PLP1: variants seen among roughly 807,000 people sequenced by gnomAD.
The protein encoded by PLP1 is myelin proteolipid protein.
PLP1 carries 2 observed loss-of-function variants against 18.5 expected under a neutral mutation model. The observed-to-expected ratio is 0.11, with a 90% CI of 0.04 to 0.34. The LOEUF (loss-of-function observed/expected upper bound fraction) is 0.34, where lower values mean the gene tolerates loss of function less well. Ranked by LOEUF, PLP1 falls within the 10% of genes least tolerant of loss-of-function variation. The probability of loss-of-function intolerance (pLI) is 1.00; values close to 1 mark genes in which losing one functional copy is unlikely to be tolerated. For synonymous variants in PLP1, 86 were observed against 83.2 expected (o/e 1.03, Z -0.19); for missense variants, 105 against 207.3 (o/e 0.51, Z 3.03).
intron 1 of PLP1, chrX:103,781,343 C>T (rs1384099991): frequency 3.1e-5 from 10 of 317,569 alleles, no homozygotes; most frequent in East Asian, 2.0e-4. Context: ...TCTGTCAGAC[C>T]GCTGTGAAGA....
At chrX:103,785,836 T>G in intron 2 of PLP1, 68 bp downstream of exon 2, 1 of 969,934 alleles carries the variant, frequency 1.0e-6, no homozygotes, top group Non-Finnish European at 1.5e-6. Flanking sequence ...GATAGAGAAC[T>G]CTTCAGTACC....
At chrX:103,787,496 C>G in intron 3 of PLP1, 1 of 381,677 alleles carries the variant, frequency 2.6e-6, no homozygotes, top group Non-Finnish European at 4.6e-6. Context: ...CTTTCAAGAT[C>G]TGTTTTGATT....
chrX:103,783,558 A>G (rs2147760500), intron 1 of PLP1, among the ~76,000 whole-genome samples: 1 of 112,337 alleles, frequency 8.9e-6, no homozygotes, highest in East Asian at 2.8e-4. Flanking sequence ...GTCTCTGAGA[A>G]CAGAGGCAAA....
At chrX:103,789,545 G>A (rs933773938) in intron 6 of PLP1, 147 bp downstream of exon 6, 29 of 528,276 alleles carry the variant, frequency 5.5e-5, no homozygotes, top group African/African-American at 2.1e-4. Context: ...TGGAGGCTCC[G>A]TACTTCTACT....
At chrX:103,788,658 C>A in intron 5 of PLP1, 148 bp downstream of exon 5, 1 of 563,296 alleles carries the variant, frequency 1.8e-6, no homozygotes, top group Non-Finnish European at 3.2e-6. Flanking sequence ...GCTAAGTGTG[C>A]CTGAGCCAAT....
At chrX:103,782,000 T>C (rs1008290162) in intron 1 of PLP1, among the ~76,000 whole-genome samples, 4 of 112,215 alleles carry the variant, frequency 3.6e-5, no homozygotes, top group African/African-American at 1.3e-4. Flanking sequence ...TCTTGGACTG[T>C]GAAAAATCAA....
intron 1 of PLP1, among the ~76,000 whole-genome samples, chrX:103,777,284 C>T (rs776101069): frequency 3.6e-5 from 4 of 111,630 alleles, no homozygotes; most frequent in Non-Finnish European, 7.5e-5. Context: ...TACCCCCTCA[C>T]TTCCCTCTAT....
chrX:103,786,910 C>G, intron 3 of PLP1, 184 bp downstream of exon 3: 2 of 482,530 alleles, frequency 4.1e-6, no homozygotes, highest in Non-Finnish European at 7.2e-6. Flanking sequence ...CTTAGCCTCA[C>G]CTTTCAAAGG....
intron 1 of PLP1, among the ~76,000 whole-genome samples, chrX:103,784,295 C>G (rs2074476749): frequency 9.0e-6 from 1 of 111,418 alleles, no homozygotes; most frequent in African/African-American, 3.3e-5. Flanking sequence ...TCCTCTAGTG[C>G]CAGAAAGATG....
At chrX:103,785,975 C>A (rs769717639) in intron 2 of PLP1, 1 of 536,022 alleles carries the variant, frequency 1.9e-6, no homozygotes, top group Non-Finnish European at 3.0e-6. Flanking sequence ...CCTGTCAGCC[C>A]CTCCCACCCC....
intron 4 of PLP1, 111 bp downstream of exon 4, chrX:103,788,077 A>T: frequency 1.6e-6 from 1 of 615,042 alleles, no homozygotes; most frequent in South Asian, 2.3e-5. Context: ...ATATAAGATG[A>T]TGAATGATTG....
intron 1 of PLP1, chrX:103,781,256 T>C (rs993249642): frequency 2.8e-5 from 9 of 317,023 alleles, no homozygotes; most frequent in African/African-American, 2.4e-4. Context: ...TGGTGCCTGC[T>C]TAAAGAGACA....
intron 1 of PLP1, among the ~76,000 whole-genome samples, chrX:103,778,125 T>C (rs2074425265): frequency 8.9e-6 from 1 of 112,103 alleles, no homozygotes; most frequent in Non-Finnish European, 1.9e-5. Flanking sequence ...CTGCTACTTA[T>C]GAACTATGTG....
At chrX:103,779,991 G>A (rs903204381) in intron 1 of PLP1, 1 of 112,897 alleles carries the variant, frequency 8.9e-6, no homozygotes, top group Admixed American at 9.3e-5. Context: ...AGCAGCCATG[G>A]TAGGTGAATG....
chrX:103,776,901 G>T lies in PLP1; in HGVS notation c.-95G>T. The T allele has an allele frequency of 1.2e-6, 1 of 825,927 alleles. No individual in the cohort carries two copies. Among genetic ancestry groups the T allele is most frequent in the Non-Finnish European group, 1.8e-6 (1 of 551,327 alleles). The allele number at this position is 825,927 out of a possible 1,213,427, so 68.1% of individuals were successfully genotyped here. Reference sequence around the variant, plus strand: ...AGAGAAAAAGTAAAAGACCGAAGAAGGAGGCTGGAGAGACCAGGATCCTTC... The same window carrying T: ...AGAGAAAAAGTAAAAGACCGAAGAATGAGGCTGGAGAGACCAGGATCCTTC... On this transcript the variant is annotated 5_prime_UTR_variant, in exon 1 of 7. It adds an upstream start codon to the 5' untranslated region. Transcript: ENST00000621218.
intron 5 of PLP1, chrX:103,788,891 G>A (rs765811495): frequency 7.6e-5 from 21 of 275,909 alleles, no homozygotes; most frequent in Non-Finnish European, 1.0e-4. Flanking sequence ...TTTTCAATTT[G>A]GAACTTCTTT....
At chrX:103,784,907 A>C (rs767735192) in intron 1 of PLP1, among the ~76,000 whole-genome samples, 3 of 112,426 alleles carry the variant, frequency 2.7e-5, no homozygotes, top group Non-Finnish European at 5.6e-5. Flanking sequence ...TTCCATAAAT[A>C]GTTGATGAAT....
At chrX:103,781,331 T>C in intron 1 of PLP1, 1 of 325,654 alleles carries the variant, frequency 3.1e-6, no homozygotes, top group Non-Finnish European at 6.0e-6. Context: ...GTTCTGTTGA[T>C]CTCTGTCAGA....
At chrX:103,785,152 G>A (rs1485959056) in intron 1 of PLP1, among the ~76,000 whole-genome samples, 3 of 109,760 alleles carry the variant, frequency 2.7e-5, no homozygotes, top group Admixed American at 9.7e-5. Context: ...CTTGGCTCAC[G>A]GCAACCTCCG....
Sources: gnomAD v4.1 joint callset for allele counts (sites outside exome capture counted in the v4.1 genomes callset) on GRCh38, gnomAD v4.1.1 for gene constraint, MANE v1.5 for transcripts, NCBI Gene and HGNC (gene_info 2026-07-23, HGNC 2026-07-21) for gene names.